POLA1: variants seen among roughly 807,000 people sequenced by gnomAD.
The protein encoded by POLA1 is DNA polymerase alpha catalytic subunit.
In POLA1, 15 loss-of-function variants were observed where a neutral mutation model predicts 124.0. The observed-to-expected ratio is 0.12, with a 90% CI of 0.08 to 0.19. The LOEUF is 0.19. Among genes scored for constraint, POLA1 ranks in the 10% least tolerant of loss-of-function variants. The pLI, the probability that POLA1 is intolerant of heterozygous loss-of-function variation, is 1.00. For synonymous variants in POLA1, 408 were observed against 389.4 expected (o/e 1.05, Z -0.56); for missense variants, 886 against 1,103.4 (o/e 0.80, Z 2.79).
intron 12 of POLA1, 41 bp downstream of exon 12, chrX:24,724,492 G>A: frequency 1.6e-6 from 1 of 633,854 alleles, no homozygotes; most frequent in Middle Eastern, 3.4e-4. Flanking sequence ...TCTGTTTGTT[G>A]TTTATTTTCT....
chrX:24,826,659 C>T (rs1330811807), intron 32 of POLA1, 58 bp downstream of exon 32: 2 of 788,016 alleles, frequency 2.5e-6, no homozygotes, highest in Non-Finnish European at 1.9e-6. Flanking sequence ...ATGTAGTCTT[C>T]CTTGTCTCTT....
chrX:24,700,529 G>C (rs1226558502), intron 2 of POLA1, among the ~76,000 whole-genome samples: 1 of 111,904 alleles, frequency 8.9e-6, no homozygotes, highest in Non-Finnish European at 1.9e-5. Flanking sequence ...TTGTTTTTGA[G>C]ATGGAGTCTC....
intron 35 of POLA1, among the ~76,000 whole-genome samples, chrX:24,891,124 G>T (rs1038846680): frequency 2.7e-5 from 3 of 112,382 alleles, no homozygotes; most frequent in Non-Finnish European, 3.8e-5. Context: ...GTTGATAGTG[G>T]TTTAGTATAT....
chrX:24,919,973 A>G (rs1281017700), intron 35 of POLA1, among the ~76,000 whole-genome samples: 1 of 105,610 alleles, frequency 9.5e-6, no homozygotes, highest in Non-Finnish European at 1.9e-5. Flanking sequence ...CAGCCTCCCA[A>G]GTAGCTGGGA....
chrX:24,881,635 G>T (rs1030930034), intron 34 of POLA1, among the ~76,000 whole-genome samples: 1 of 111,530 alleles, frequency 9.0e-6, no homozygotes, highest in African/African-American at 3.3e-5. Context: ...TTCCCCAGGG[G>T]ACCGACCATC....
Position 24,789,114 on chromosome X carries a change from A to G in POLA1, c.2965-20784A>G, listed in dbSNP as rs371100711. 2.7e-6 allele frequency: 3 copies of G among 1,113,891 alleles called. No homozygotes were observed. In the African/African-American group the frequency reaches 5.4e-5, roughly 20 times the overall value. The allele number at this position is 1,113,891 out of a possible 1,213,427, so 91.8% of individuals were successfully genotyped here. On this transcript the variant is annotated intron_variant, in intron 26 of 36. Coordinates refer to ENST00000379068, the MANE Select transcript of POLA1 (RefSeq NM_001330360.2). ...AGCTGGGGAGCAGCAGAAAGAGCCC[A>G]CTTTTACTACTTCTGTTCTACATAG...
intron 19 of POLA1, among the ~76,000 whole-genome samples, chrX:24,738,683 C>T (rs1931452161): frequency 1.8e-5 from 2 of 111,665 alleles, no homozygotes; most frequent in Admixed American, 1.9e-4. Flanking sequence ...ATTCTGCCTG[C>T]TTGCTTCATG....
At chrX:24,742,845 A>G (rs1931756493) in intron 22 of POLA1, among the ~76,000 whole-genome samples, 1 of 111,953 alleles carries the variant, frequency 8.9e-6, no homozygotes, top group African/African-American at 3.2e-5. Context: ...TGCATGAAGT[A>G]TTTTATGTTT....
chrX:24,946,538 G>A (rs1302316556), intron 36 of POLA1, among the ~76,000 whole-genome samples: 1 of 111,729 alleles, frequency 9.0e-6, no homozygotes, highest in Admixed American at 9.5e-5. Context: ...CCCTGAGCAG[G>A]CCTTGACTCC....
chrX:24,786,528 G>A (rs937806881), intron 26 of POLA1, among the ~76,000 whole-genome samples: 4 of 107,131 alleles, frequency 3.7e-5, no homozygotes, highest in Admixed American at 2.0e-4. Flanking sequence ...TTATTTTTAG[G>A]GACAGGGTCT....
chrX:24,726,106 C>G lies in POLA1; in HGVS notation c.1392+51C>G, dbSNP rs182728457. 2.4e-5 allele frequency: 20 copies of G among 818,679 alleles called. No homozygotes were observed. In the Admixed American group the frequency reaches 5.0e-4, roughly 21 times the overall value. 67.5% of individuals were successfully genotyped at this position (818,679 alleles called of 1,213,427 possible). On this transcript the variant is annotated intron_variant, in intron 13 of 36. Transcript: ENST00000379068. The stretch of plus-strand genomic sequence containing the variant: ...GGTTTTGCTTGAGAATGACATTTTT[C>G]TGTTTTTGAACTTTCAACTGACTTT...
chrX:24,791,593 C>G (rs373099777), intron 26 of POLA1, among the ~76,000 whole-genome samples: 11 of 112,216 alleles, frequency 9.8e-5, no homozygotes, highest in African/African-American at 3.6e-4. Flanking sequence ...ATCATGTTGG[C>G]CAGGATGGTC....
intron 35 of POLA1, among the ~76,000 whole-genome samples, chrX:24,913,430 G>A (rs1383739745): frequency 9.0e-6 from 1 of 111,332 alleles, no homozygotes; most frequent in East Asian, 2.8e-4. Context: ...GTCGTGGTAA[G>A]GCCAGGTGTG....
chrX:24,826,114 T>C lies in POLA1; in HGVS notation c.3562-313T>C, dbSNP rs767098604. 3.6e-5 allele frequency among the ~76,000 whole-genome samples: 4 copies of C among 112,489 alleles called. No individual in the cohort carries two copies. In the East Asian group the frequency reaches 8.4e-4, roughly 24 times the overall value. The stretch of plus-strand genomic sequence containing the variant: ...TAAGCCTTCTCAGTGTTTGGTGATA[T>C]GGCAGGTGAAATTATTTAATCTGGT... On this transcript the variant is annotated intron_variant, in intron 31 of 36. Transcript: ENST00000379068.
At chrX:24,788,464 C>A in intron 26 of POLA1, 1 of 1,197,471 alleles carries the variant, frequency 8.4e-7, no homozygotes, top group East Asian at 3.0e-5. Context: ...GCTCCTCCAG[C>A]ATATCTGTTC....
At chrX:24,860,803 A>G (rs887043359) in intron 34 of POLA1, among the ~76,000 whole-genome samples, 25 of 112,072 alleles carry the variant, frequency 2.2e-4, no homozygotes, top group Admixed American at 1.8e-3. Flanking sequence ...GAACCTTGTA[A>G]AAGACAACCA....
chrX:24,962,174 G>A (rs1470430825), intron 36 of POLA1, among the ~76,000 whole-genome samples: 1 of 111,588 alleles, frequency 9.0e-6, no homozygotes, highest in Non-Finnish European at 1.9e-5. Context: ...AAAGAGGATA[G>A]GTGATGTGAT....
At chrX:24,913,901 G>C (rs183981133) in intron 35 of POLA1, among the ~76,000 whole-genome samples, 3 of 107,818 alleles carry the variant, frequency 2.8e-5, no homozygotes, top group Non-Finnish European at 5.8e-5. Flanking sequence ...GGTGGCATGC[G>C]TGTGTAATCC....
Position 24,727,763 on chromosome X carries a change from T to A in POLA1, c.1532-19T>A. 1 of 1,188,291 alleles carries A rather than the reference T, an allele frequency of 8.4e-7. No homozygotes were observed. The highest frequency in any genetic ancestry group is 1.1e-6 in the Non-Finnish European group (1 of 876,934). On this transcript the variant is annotated intron_variant, in intron 14 of 36. Coordinates refer to ENST00000379068, the MANE Select transcript of POLA1 (RefSeq NM_001330360.2). Reference sequence around the variant, plus strand: ...TTTCAGTAAATAGCTATTGATCTGTTGTATCTATTCTCTTTCAGAGCTCTT... The same window carrying A: ...TTTCAGTAAATAGCTATTGATCTGTAGTATCTATTCTCTTTCAGAGCTCTT...
Sources: allele counts gnomAD v4.1 joint callset (sites outside exome capture counted in the v4.1 genomes callset), GRCh38; gene constraint gnomAD v4.1.1; transcripts MANE v1.5; gene names NCBI Gene and HGNC (gene_info 2026-07-23, HGNC 2026-07-21).